The following AMMECR1L variants were observed in gnomAD, a reference collection of about 807,000 sequenced individuals.
AMMECR1L encodes AMMECR1-like protein.
A neutral mutation model predicts 36.8 loss-of-function variants in AMMECR1L; 4 were observed. The ratio of observed to expected loss-of-function variants is 0.11; its 90% CI spans 0.05 to 0.25. The LOEUF is 0.25. AMMECR1L is among the 10% of genes least tolerant of loss of function. The pLI is 1.00. For synonymous variants in AMMECR1L, 147 were observed against 148.0 expected, an observed-to-expected ratio of 0.99 and a Z score of 0.05; for missense variants, 232 against 392.1, an observed-to-expected ratio of 0.59 and a Z score of 3.45.
Position 127,863,352 on chromosome 2 carries a change from T to C in AMMECR1L, c.*1742A>G, listed in dbSNP as rs1690545593. The C allele has an allele frequency of 6.6e-6, 1 of 151,582 alleles. No homozygotes were observed. The highest frequency in any genetic ancestry group is 2.4e-5 in the African/African-American group (1 of 41,380). 9.4% of individuals were successfully genotyped at this position (151,582 alleles called of 1,614,324 possible). A position where few individuals can be genotyped will look rare whatever the true frequency, so the allele number is the denominator to read the frequency against. ...GTGAAGGGCCGCAGCCTAGGCACCG[T>C]CACCCACGTTTCCCTCGCACGTCCC... is the stretch of plus-strand genomic sequence containing the variant. On this transcript the variant is annotated 3_prime_UTR_variant, in exon 8 of 8. Coordinates refer to ENST00000272647, the MANE Select transcript of AMMECR1L (RefSeq NM_001199140.2).
At position 127,874,827 on chromosome 2, in the gene AMMECR1L, C is replaced by G. The variant is rs982501546; in HGVS notation, c.-38-555G>C. On this transcript the variant is annotated intron_variant, in intron 2 of 7. Transcript: ENST00000272647. The surrounding 1 kb of genome is among the most constrained non-coding windows in gnomAD (Gnocchi z 5.2). ...GTTGGCTGTCACTCTGAAGAGGGCA[C>G]ATCTTCTAACACAAGGCTCCCACCT... 2.0e-5 allele frequency among the ~76,000 whole-genome samples: 3 copies of G among 152,216 alleles called. No individual in the cohort carries two copies. Among genetic ancestry groups the G allele is most frequent in the African/African-American group, 7.2e-5 (3 of 41,456 alleles).
chr2:127,873,408 C>G lies in AMMECR1L; in HGVS notation c.407+420G>C. 1.0e-6 allele frequency: 1 copy of G among 985,412 alleles called. No homozygotes were observed. Among genetic ancestry groups the G allele is most frequent in the Non-Finnish European group, 1.2e-6 (1 of 829,928 alleles). 61.0% of individuals were successfully genotyped at this position (985,412 alleles called of 1,614,324 possible). A position where few individuals can be genotyped will look rare whatever the true frequency, so the allele number is the denominator to read the frequency against. Reference sequence around the variant, plus strand: ...GTGAGGGGACCCCTGTTAACCAAATCGCAGATCCCAGTGAATGAGAGCTCC... The same window carrying G: ...GTGAGGGGACCCCTGTTAACCAAATGGCAGATCCCAGTGAATGAGAGCTCC... On this transcript the variant is annotated intron_variant, in intron 3 of 7. Coordinates refer to ENST00000272647, the MANE Select transcript of AMMECR1L (RefSeq NM_001199140.2). This position sits in a 1 kb window ranked among gnomAD's most constrained non-coding sequence, Gnocchi z 5.2.
At position 127,873,818 on chromosome 2, in the gene AMMECR1L, A is replaced by C; in HGVS notation, c.407+10T>G. 1 of 1,613,790 alleles carries C rather than the reference A, an allele frequency of 6.2e-7. No homozygotes were observed. Reference sequence around the variant, plus strand: ...CCTTCCTCAGTGCCCCCAGCACATGATTTACTCACTAGGGGTCATTGGTGA... The same window carrying C: ...CCTTCCTCAGTGCCCCCAGCACATGCTTTACTCACTAGGGGTCATTGGTGA... On this transcript the variant is annotated intron_variant, in intron 3 of 7. Coordinates refer to ENST00000272647, the MANE Select transcript of AMMECR1L (RefSeq NM_001199140.2). The surrounding 1 kb of genome is among the most constrained non-coding windows in gnomAD (Gnocchi z 5.2).
At chr2:127,868,757 G>A (rs1458241896) in intron 6 of AMMECR1L, among the ~76,000 whole-genome samples, 5 of 150,980 alleles carry the variant, frequency 3.3e-5, no homozygotes, top group African/African-American at 9.8e-5. Flanking sequence ...ATGGAGGCTC[G>A]CTCTGTCACC....
rs1403469668 is a variant in AMMECR1L at position 127,865,139 on chromosome 2, C to G, written c.888G>C (p.Gln296His). ...EYIASRQHCF[Q>H]NGTLHAPPLY... ...GGGGCGGGGCATGAAGAGTGCCGTT[C>G]TGGAAACAGTGCTGTCGGGAAGCAA... is the stretch of plus-strand genomic sequence containing the variant. Residue 296 changes from glutamine to histidine, a missense_variant, in exon 8 of 8, where the codon CAG (glutamine) becomes CAC (histidine). Gln to His is a conservative substitution (Grantham distance 24, BLOSUM62 0). Around this residue, in one of 3 missense-constraint regions of AMMECR1L, gnomAD observed 40 missense variants for 34.5 expected, o/e 1.16. Transcript: ENST00000272647. The surrounding 1 kb of genome is among the most constrained non-coding windows in gnomAD (Gnocchi z 5.4). 8 of 1,613,782 alleles carry G rather than the reference C, an allele frequency of 5.0e-6. No homozygotes were observed. The highest frequency in any genetic ancestry group is 6.8e-6 in the Non-Finnish European group (8 of 1,179,946).
chr2:127,867,278 A>G lies in AMMECR1L; in HGVS notation c.725-282T>C, dbSNP rs72965746. The G allele has an allele frequency of 2.4e-4, 237 of 985,482 alleles. No homozygotes were observed. The African/African-American group carries it at 3.8e-3, about 16-fold the overall frequency. The allele number at this position is 985,482 out of a possible 1,614,324, so 61.0% of individuals were successfully genotyped here. A position where few individuals can be genotyped will look rare whatever the true frequency, so the allele number is the denominator to read the frequency against. On this transcript the variant is annotated intron_variant, in intron 6 of 7. Coordinates refer to ENST00000272647, the MANE Select transcript of AMMECR1L (RefSeq NM_001199140.2). ...TGTCAGATGTTACCCCAGTATAATT[A>G]TCTAGGAACAAACATGGTTCCAACT... is the stretch of plus-strand genomic sequence containing the variant.
At chr2:127,867,152 C>T in intron 6 of AMMECR1L, 156 bp from the exon 7 acceptor site, 12 of 985,482 alleles carry the variant, frequency 1.2e-5, no homozygotes, top group Non-Finnish European at 1.4e-5. Context: ...TACCTGGCGC[C>T]CAGTCTGTCT....
At chr2:127,867,762 G>A (rs1240115606) in intron 6 of AMMECR1L, among the ~76,000 whole-genome samples, 2 of 151,826 alleles carry the variant, frequency 1.3e-5, no homozygotes, top group African/African-American at 4.8e-5. Context: ...GAAATAAAAA[G>A]GGAAAGACAG....
rs1573533504 is a variant in AMMECR1L, at chr2:127,865,287, C to A, written c.822-82G>T. On this transcript the variant is annotated intron_variant, in intron 7 of 7. Coordinates refer to ENST00000272647, the MANE Select transcript of AMMECR1L (RefSeq NM_001199140.2). This position sits in a 1 kb window ranked among gnomAD's most constrained non-coding sequence, Gnocchi z 5.4. ...TCACTCAGCAGAGAAAAACCAAAAG[C>A]TTATTCCACATTTTGAAAGAATAAA... The A allele has an allele frequency of 1.2e-6, 1 of 840,972 alleles. No homozygotes were observed. The highest frequency in any genetic ancestry group is 2.8e-5 in the East Asian group (1 of 35,322). 52.1% of individuals were successfully genotyped at this position (840,972 alleles called of 1,614,324 possible). A position where few individuals can be genotyped will look rare whatever the true frequency, so the allele number is the denominator to read the frequency against.
rs1690542383 is a variant in AMMECR1L, at chr2:127,863,283, A to T, written c.*1811T>A. On this transcript the variant is annotated 3_prime_UTR_variant, in exon 8 of 8. Transcript: ENST00000272647. ...AAACGACCCCTCCATCTTCATTTAC[A>T]TTGCCAAGGGAAACGTAGCAGGCTG... is the stretch of plus-strand genomic sequence containing the variant. 6.6e-6 allele frequency: 1 copy of T among 152,650 alleles called. No individual in the cohort carries two copies. Among genetic ancestry groups the T allele is most frequent in the Non-Finnish European group, 1.5e-5 (1 of 68,052 alleles). 9.5% of individuals were successfully genotyped at this position (152,650 alleles called of 1,614,324 possible).
At chr2:127,885,731 G>A in intron 1 of AMMECR1L, 79 bp downstream of exon 1, 1 of 979,950 alleles carries the variant, frequency 1.0e-6, no homozygotes, top group African/African-American at 1.7e-5. Flanking sequence ...AACAGGCCCG[G>A]CGGGCAAGGC....
intron 1 of AMMECR1L, chr2:127,885,512 G>A (rs1674401588): frequency 1.0e-6 from 1 of 984,450 alleles, no homozygotes; most frequent in East Asian, 1.2e-4. Context: ...AGGGAGTGCA[G>A]ACAAGGACCA....
At chr2:127,876,674 A>G (rs1691256889) in intron 2 of AMMECR1L, among the ~76,000 whole-genome samples, 1 of 152,132 alleles carries the variant, frequency 6.6e-6, no homozygotes, top group Admixed American at 6.6e-5. Flanking sequence ...TCAAAACAGG[A>G]ATAATAATAG....
Position 127,873,506 on chromosome 2 carries a change from C to A in AMMECR1L, c.407+322G>T, listed in dbSNP as rs1489905580. The A allele has an allele frequency of 3.0e-6, 3 of 985,306 alleles. No homozygotes were observed. The highest frequency in any genetic ancestry group is 3.6e-6 in the Non-Finnish European group (3 of 829,944). 61.0% of individuals were successfully genotyped at this position (985,306 alleles called of 1,614,324 possible). A position where few individuals can be genotyped will look rare whatever the true frequency, so the allele number is the denominator to read the frequency against. ...ACTATGGGTGTCCCCAATGGTATGGCGTGACTTCCCCACTTGAGAGGTTAA... is the reference window on the plus strand; with the variant it reads ...ACTATGGGTGTCCCCAATGGTATGGAGTGACTTCCCCACTTGAGAGGTTAA... On this transcript the variant is annotated intron_variant, in intron 3 of 7. Coordinates refer to ENST00000272647, the MANE Select transcript of AMMECR1L (RefSeq NM_001199140.2). The surrounding 1 kb of genome is among the most constrained non-coding windows in gnomAD (Gnocchi z 5.2).
chr2:127,868,200 T>C (rs1233059250), intron 6 of AMMECR1L, among the ~76,000 whole-genome samples: 1 of 152,168 alleles, frequency 6.6e-6, no homozygotes, highest in Non-Finnish European at 1.5e-5. Context: ...CTTCATCAAA[T>C]TGAAAAACCA....
chr2:127,871,436 C>T lies in AMMECR1L; in HGVS notation c.408-77G>A. 6.9e-7 allele frequency: 1 copy of T among 1,441,618 alleles called. No individual in the cohort carries two copies. Among genetic ancestry groups the T allele is most frequent in the Non-Finnish European group, 9.5e-7 (1 of 1,056,768 alleles). 89.3% of individuals were successfully genotyped at this position (1,441,618 alleles called of 1,614,324 possible). A position where few individuals can be genotyped will look rare whatever the true frequency, so the allele number is the denominator to read the frequency against. ...AAGAACAAAACCTTTTGGCTTTGTC[C>T]CTATTCATTTCTGTTATTGCCAAAA... is the stretch of plus-strand genomic sequence containing the variant. On this transcript the variant is annotated intron_variant, in intron 3 of 7. Transcript: ENST00000272647. The surrounding 1 kb of genome is among the most constrained non-coding windows in gnomAD (Gnocchi z 4.3).
intron 5 of AMMECR1L, 141 bp downstream of exon 5, chr2:127,870,673 C>T: frequency 1.7e-6 from 1 of 604,132 alleles, no homozygotes; most frequent in Non-Finnish European, 2.8e-6. Context: ...TCTTCTGTCA[C>T]CTATGTTGCC....
rs113406428 is a variant in AMMECR1L, at chr2:127,879,660, C to T, written c.-39+4543G>A. On this transcript the variant is annotated intron_variant, in intron 2 of 7. Coordinates refer to ENST00000272647, the MANE Select transcript of AMMECR1L (RefSeq NM_001199140.2). The stretch of plus-strand genomic sequence containing the variant: ...ATCAACCACTATCAACAAATTTCAT[C>T]GAAATTTTCTCTTTAGGTTCGAGAT... Among the ~76,000 whole-genome samples, 120 of 152,252 alleles carry T rather than the reference C, an allele frequency of 7.9e-4. 1 individual carries two copies. Among genetic ancestry groups the T allele is most frequent in the South Asian group, 2.7e-3 (13 of 4,832 alleles).
Position 127,869,525 on chromosome 2 carries a change from C to T in AMMECR1L, c.653G>A (p.Arg218Gln). Residue 218 changes from arginine to glutamine, a missense_variant, in exon 6 of 8, where the codon CGA (arginine) becomes CAA (glutamine). Around this residue, in one of 3 missense-constraint regions of AMMECR1L, gnomAD observed 83 missense variants for 229.5 expected, o/e 0.36. Coordinates refer to ENST00000272647, the MANE Select transcript of AMMECR1L (RefSeq NM_001199140.2). The surrounding 1 kb of genome is among the most constrained non-coding windows in gnomAD (Gnocchi z 4.7). ...ACCTTTTTCATTAATGAATTCAATT[C>T]GAATCCCATGGACCCCTACCTATAG... ...LDWEVGVHGI[R>Q]IEFINEKGVK... The T allele has an allele frequency of 1.2e-6, 2 of 1,613,924 alleles. No homozygotes were observed. The highest frequency in any genetic ancestry group is 1.7e-6 in the Non-Finnish European group (2 of 1,179,852).
Sources: allele counts gnomAD v4.1 joint callset (sites outside exome capture counted in the v4.1 genomes callset), GRCh38; gene constraint gnomAD v4.1.1; regional missense constraint gnomAD v4.1.1; non-coding constraint Gnocchi (gnomAD v3.1); transcripts MANE v1.5; gene names NCBI Gene and HGNC (gene_info 2026-07-23, HGNC 2026-07-21).